Variants in NLGN4X observed in about 807,000 individuals in gnomAD.
NLGN4X encodes the protein neuroligin-4, X-linked.
NLGN4X carries 3 observed loss-of-function variants against 40.3 expected under a neutral mutation model. That is an observed-to-expected ratio of 0.07 (90% confidence interval 0.03 to 0.19). NLGN4X has a LOEUF of 0.19. Among genes scored for constraint, NLGN4X ranks in the 10% least tolerant of loss-of-function variants. The pLI is 1.00. For synonymous variants in NLGN4X, 270 were observed against 306.8 expected, an observed-to-expected ratio of 0.88 and a Z score of 1.25; for missense variants, 382 against 708.3, an observed-to-expected ratio of 0.54 and a Z score of 5.23.
intron 2 of NLGN4X, among the ~76,000 whole-genome samples, chrX:6,069,947 C>T (rs1264268614): frequency 2.7e-5 from 3 of 111,876 alleles, no homozygotes; most frequent in Non-Finnish European, 1.9e-5. Flanking sequence ...AGATCACACA[C>T]ATACACCCAA....
intron 2 of NLGN4X, among the ~76,000 whole-genome samples, chrX:6,057,334 T>C (rs1447977405): frequency 9.0e-6 from 1 of 111,630 alleles, no homozygotes; most frequent in Non-Finnish European, 1.9e-5. Context: ...ATTCTGCCAA[T>C]TCAAGTTCAA....
intron 3 of NLGN4X, among the ~76,000 whole-genome samples, chrX:5,919,851 T>C (rs917915682): frequency 6.3e-5 from 7 of 111,845 alleles, no homozygotes; most frequent in African/African-American, 2.3e-4. Flanking sequence ...TGACTTATCA[T>C]TGAGTTGGGA....
At chrX:6,080,353 G>C (rs935681790) in intron 2 of NLGN4X, among the ~76,000 whole-genome samples, 4 of 111,361 alleles carry the variant, frequency 3.6e-5, no homozygotes, top group African/African-American at 1.3e-4. Context: ...CCAAAGCAGA[G>C]ATTTTTCATC....
At chrX:5,914,477 T>C (rs2032674417) in intron 3 of NLGN4X, among the ~76,000 whole-genome samples, 1 of 111,111 alleles carries the variant, frequency 9.0e-6, no homozygotes, top group Non-Finnish European at 1.9e-5. Flanking sequence ...AGATCATTCC[T>C]TGCATAAACA....
intron 3 of NLGN4X, among the ~76,000 whole-genome samples, chrX:5,999,935 A>C: frequency 8.9e-6 from 1 of 112,613 alleles, no homozygotes; most frequent in South Asian, 3.7e-4. Flanking sequence ...TGTTCTAGGA[A>C]AAGATGGCCA....
chrX:5,906,580 A>C (rs1333562816), intron 4 of NLGN4X, among the ~76,000 whole-genome samples: 1 of 111,677 alleles, frequency 9.0e-6, no homozygotes, highest in Non-Finnish European at 1.9e-5. Context: ...GGAACCTCAC[A>C]GCTCACTGCA....
At position 6,023,230 on chromosome X, in the gene NLGN4X, AT is replaced by A. The variant is rs770664491; in HGVS notation, c.625+6049del. ...GCACCGAAGAGCTTTGATGTGACAA[AT>A]GCCATTGTTGTGGTTAATGCCACCA... On this transcript the variant is annotated intron_variant, in intron 3 of 5. Coordinates refer to ENST00000381095, the MANE Select transcript of NLGN4X (RefSeq NM_181332.3). 2.2e-3 allele frequency among the ~76,000 whole-genome samples: 241 copies of A among 111,965 alleles called. 2 individuals are homozygous for A. Among genetic ancestry groups the A allele is most frequent in the African/African-American group, 7.3e-3 (226 of 30,845 alleles).
intron 2 of NLGN4X, among the ~76,000 whole-genome samples, chrX:6,129,540 A>C (rs149886454): frequency 8.9e-6 from 1 of 112,374 alleles, no homozygotes; most frequent in East Asian, 2.8e-4. Flanking sequence ...GGTATCCAAC[A>C]TAACAGTTTT....
intron 3 of NLGN4X, among the ~76,000 whole-genome samples, chrX:6,016,376 T>G (rs2036395923): frequency 8.9e-6 from 1 of 111,846 alleles, no homozygotes; most frequent in Non-Finnish European, 1.9e-5. Flanking sequence ...GGACTTCTTT[T>G]TGGAATGATG....
chrX:6,080,725 G>A (rs957025292), intron 2 of NLGN4X, among the ~76,000 whole-genome samples: 4 of 112,215 alleles, frequency 3.6e-5, no homozygotes, highest in Non-Finnish European at 5.6e-5. Context: ...CAATACGGGA[G>A]AGACTGAGAA....
chrX:5,975,771 AT>A lies in NLGN4X; in HGVS notation c.625+53508del, dbSNP rs1298304456. Among the ~76,000 whole-genome samples, 4 of 111,526 alleles carry A rather than the reference AT, an allele frequency of 3.6e-5. No individual in the cohort carries two copies. In the East Asian group the frequency reaches 1.1e-3, roughly 31 times the overall value. On this transcript the variant is annotated intron_variant, in intron 3 of 5. Transcript: ENST00000381095. ...CTAGTCTTATTAGAAAATTAAAAAA[AT>A]AAAATAAAAAAATAAATTGCTTGAC...
chrX:6,077,100 A>G (rs1317735299), intron 2 of NLGN4X, among the ~76,000 whole-genome samples: 1 of 111,844 alleles, frequency 8.9e-6, no homozygotes, highest in Non-Finnish European at 1.9e-5. Context: ...GTGATATACC[A>G]CCTGCTATCC....
chrX:6,053,354 G>A (rs1450889332), intron 2 of NLGN4X, among the ~76,000 whole-genome samples: 1 of 111,515 alleles, frequency 9.0e-6, no homozygotes, highest in African/African-American at 3.3e-5. Context: ...CAGCTTGTGA[G>A]CAGTTTAGGA....
chrX:5,899,975 C>G (rs1184715756), intron 5 of NLGN4X, among the ~76,000 whole-genome samples: 2 of 111,835 alleles, frequency 1.8e-5, no homozygotes, highest in African/African-American at 3.3e-5. Flanking sequence ...CGTTTGGATG[C>G]CAATGTAGCG....
intron 2 of NLGN4X, among the ~76,000 whole-genome samples, chrX:6,142,984 T>C (rs963866720): frequency 8.9e-6 from 1 of 112,175 alleles, no homozygotes; most frequent in Non-Finnish European, 1.9e-5. Flanking sequence ...AGCTTACCCC[T>C]CTACTACTAC....
intron 1 of NLGN4X, among the ~76,000 whole-genome samples, chrX:6,167,019 CCATGAT>C (rs1350481707): frequency 6.9e-5 from 7 of 101,749 alleles, no homozygotes; most frequent in African/African-American, 2.6e-4. Context: ...TTGGTGTGAG[CCATGAT>C]CGCACCACTA....
chrX:5,943,992 A>G (rs2034040081), intron 3 of NLGN4X, among the ~76,000 whole-genome samples: 1 of 111,986 alleles, frequency 8.9e-6, no homozygotes, highest in Non-Finnish European at 1.9e-5. Flanking sequence ...AGACCCATCT[A>G]TTTTGGGGAC....
chrX:5,936,041 G>C (rs1001576084), intron 3 of NLGN4X, among the ~76,000 whole-genome samples: 1 of 111,814 alleles, frequency 8.9e-6, no homozygotes, highest in Non-Finnish European at 1.9e-5. Context: ...CAAAATCTTC[G>C]TGTTCTAATC....
chrX:5,955,673 A>AT (rs759973627), intron 3 of NLGN4X, among the ~76,000 whole-genome samples: 30 of 108,751 alleles, frequency 2.8e-4, no homozygotes, highest in South Asian at 4.0e-4. Flanking sequence ...TTTAAGAAGT[A>AT]TTTTTTTTTC....
Sources: allele counts gnomAD v4.1 joint callset (sites outside exome capture counted in the v4.1 genomes callset), GRCh38; gene constraint gnomAD v4.1.1; transcripts MANE v1.5; gene names NCBI Gene and HGNC (gene_info 2026-07-23, HGNC 2026-07-21).